The following RNF31 variants were observed in gnomAD, a reference collection of about 807,000 sequenced individuals.
RNF31 encodes E3 ubiquitin-protein ligase RNF31.
A neutral mutation model predicts 133.6 loss-of-function variants in RNF31; 38 were observed. That is an observed-to-expected ratio of 0.28 (90% CI 0.22 to 0.37). The LOEUF (loss-of-function observed/expected upper bound fraction) is 0.37. Ranked by LOEUF, RNF31 falls within the 10% of genes least tolerant of loss-of-function variation. The probability of loss-of-function intolerance (pLI) is 1.00; values close to 1 mark genes in which losing one functional copy is unlikely to be tolerated. For synonymous variants in RNF31, 582 were observed against 552.3 expected, an observed-to-expected ratio of 1.05 and a Z score of -0.75; for missense variants, 1,118 against 1,394.1, an observed-to-expected ratio of 0.80 and a Z score of 3.15.
chr14:24,149,221 C>T (rs920085194), intron 5 of RNF31, 185 bp from the exon 6 acceptor site: 3 of 649,440 alleles, frequency 4.6e-6, no homozygotes, highest in Admixed American at 6.0e-5. Flanking sequence ...CCTCAGCCTC[C>T]CAAAGTGCTA....
Position 24,157,671 on chromosome 14 carries a change from G to A in RNF31, c.2727+33G>A, listed in dbSNP as rs754044916. On this transcript the variant is annotated intron_variant, in intron 16 of 20. Coordinates refer to ENST00000324103, the MANE Select transcript of RNF31 (RefSeq NM_017999.5). ...CAGAGAGTTGGGGAAGGGGTGGAAGGGTGGGGGGTGCCATTGGCTTTGAGA... is the reference window on the plus strand; with the variant it reads ...CAGAGAGTTGGGGAAGGGGTGGAAGAGTGGGGGGTGCCATTGGCTTTGAGA... The A allele has an allele frequency of 4.4e-6, 7 of 1,581,474 alleles. No homozygotes were observed. The South Asian group carries it at 7.7e-5, about 17-fold the overall frequency.
Position 24,158,092 on chromosome 14 carries a change from G to T in RNF31, c.2842-50G>T, listed in dbSNP as rs746525135. The T allele has an allele frequency of 4.3e-6, 7 of 1,612,256 alleles. No homozygotes were observed. The South Asian group carries it at 6.6e-5, about 15-fold the overall frequency. ...AGGCTCCGTGCTAGGAATTGCAACA[G>T]GGACTTGGCATCAAGGGGAATGTAA... On this transcript the variant is annotated intron_variant, in intron 17 of 20. Coordinates refer to ENST00000324103, the MANE Select transcript of RNF31 (RefSeq NM_017999.5).
intron 18 of RNF31, 56 bp from the exon 19 acceptor site, chr14:24,159,807 TG>T: frequency 7.1e-7 from 1 of 1,405,478 alleles, no homozygotes; most frequent in Non-Finnish European, 1.0e-6. Context: ...ATCCCAGTTC[TG>T]GAGCTTTGTG....
chr14:24,156,693 C>T (rs2038345018), intron 14 of RNF31, among the ~76,000 whole-genome samples: 1 of 151,984 alleles, frequency 6.6e-6, no homozygotes, highest in South Asian at 2.1e-4. Context: ...GCAGGAGAAT[C>T]GCTTGAACCC....
Position 24,155,422 on chromosome 14 carries a change from G to A in RNF31, c.2313G>A (p.Glu771=), listed in dbSNP as rs1274889533. 1.2e-6 allele frequency: 2 copies of A among 1,614,040 alleles called. No homozygotes were observed. The highest frequency in any genetic ancestry group is 1.3e-5 in the African/African-American group (1 of 74,896). Reference sequence around the variant, plus strand: ...CTGCATCCTGTCCCCAGCTTCGCGAGAGCCTAGAGCCAGATGCCTATGCGT... The same window carrying A: ...CTGCATCCTGTCCCCAGCTTCGCGAAAGCCTAGAGCCAGATGCCTATGCGT... ...YFSTLDIQLR[E]SLEPDAYALF... The change falls in exon 13 of 21, where the codon GAG becomes GAA. Residue 771 remains glutamate (E), a synonymous_variant. Transcript: ENST00000324103. The surrounding 1 kb of genome is among the most constrained non-coding windows in gnomAD (Gnocchi z 4.9).
chr14:24,147,530 C>G lies in RNF31; in HGVS notation c.-169C>G, dbSNP rs918769437. On this transcript the variant is annotated 5_prime_UTR_variant, in exon 1 of 21. Coordinates refer to ENST00000324103, the MANE Select transcript of RNF31 (RefSeq NM_017999.5). ...TTCCTGTTCTCGGCTAACCCTGGCG[C>G]TGGGCCGGGGGCTGGAGAGTGACCG... 8 of 517,202 alleles carry G rather than the reference C, an allele frequency of 1.5e-5. No individual in the cohort carries two copies. The highest frequency in any genetic ancestry group is 4.4e-5 in the South Asian group (1 of 22,694). 32.0% of individuals were successfully genotyped at this position (517,202 alleles called of 1,614,324 possible).
chr14:24,154,280 C>T (rs2038310489), intron 11 of RNF31, among the ~76,000 whole-genome samples: 3 of 152,310 alleles, frequency 2.0e-5, no homozygotes, highest in Admixed American at 1.3e-4. Flanking sequence ...GCCTCAGCCT[C>T]CCGAGTAGCT....
At position 24,155,484 on chromosome 14, in the gene RNF31, G is replaced by A. The variant is rs375944756; in HGVS notation, c.2375G>A (p.Arg792Gln). The change falls in exon 13 of 21, where the codon CGG becomes CAG. Residue 792 changes from arginine (R) to glutamine (Q), a missense_variant. By Grantham distance (43) the Arg-to-Gln change is conservative (BLOSUM62 1). Transcript: ENST00000324103. The surrounding 1 kb of genome is among the most constrained non-coding windows in gnomAD (Gnocchi z 4.9). ...HKKLTEGVLMRDPKFLWCAQC... is the reference protein window; with the variant it reads ...HKKLTEGVLMQDPKFLWCAQC... ...AAGCTGACCGAGGGTGTGCTGATGC[G>A]GGACCCCAAGTTCTTGTGGTGTGCC... The A allele has an allele frequency of 4.3e-6, 7 of 1,614,102 alleles. No individual in the cohort carries two copies. The highest frequency in any genetic ancestry group is 2.2e-5 in the South Asian group (2 of 91,088).
chr14:24,150,477 G>A, intron 7 of RNF31, 29 bp downstream of exon 7: 1 of 1,590,820 alleles, frequency 6.3e-7, no homozygotes, highest in Non-Finnish European at 8.6e-7. Context: ...TCTTTATCGT[G>A]TGTTACCTCA....
In RNF31 at chr14:24,150,422, G is replaced by C. The variant is rs1459773925; in HGVS notation, c.1171G>C (p.Ala391Pro). 1 of 1,611,544 alleles carries C rather than the reference G, an allele frequency of 6.2e-7. No individual in the cohort carries two copies. The highest frequency in any genetic ancestry group is 8.5e-7 in the Non-Finnish European group (1 of 1,178,904). ...CAGCTTGGTGGTGGATTCCCGAGAT[G>C]CTGGCATTTGCCTGCAACCCCTTCA... ...PPSLVVDSRD[A>P]GICLQPLQQG... Residue 391 changes from alanine (A) to proline (P), a missense_variant, in exon 7 of 21, where the codon GCT becomes CCT. Coordinates refer to ENST00000324103, the MANE Select transcript of RNF31 (RefSeq NM_017999.5).
At position 24,150,674 on chromosome 14, in the gene RNF31, C is replaced by T. The variant is rs2139079806; in HGVS notation, c.1274C>T (p.Pro425Leu). The change falls in exon 8 of 21, where the codon CCT becomes CTT. Residue 425 changes from proline (P) to leucine (L), a missense_variant. By Grantham distance (98) the Pro-to-Leu change is moderately conservative. Coordinates refer to ENST00000324103, the MANE Select transcript of RNF31 (RefSeq NM_017999.5). ...CACTGTACCTTCTGCAACTCGAGCC[C>T]TGGCTGGGTGTGTGTTATGTGCAAC... ...CIHCTFCNSS[P>L]GWVCVMCNRT... 6.2e-7 allele frequency: 1 copy of T among 1,614,238 alleles called. No individual in the cohort carries two copies. The highest frequency in any genetic ancestry group is 2.2e-5 in the East Asian group (1 of 44,888).
intron 14 of RNF31, among the ~76,000 whole-genome samples, chr14:24,156,075 G>A (rs1456687516): frequency 1.3e-5 from 2 of 152,174 alleles, no homozygotes; most frequent in African/African-American, 2.4e-5. Context: ...TTAAAAAGAA[G>A]CCAGCCATGC....
In RNF31 at chr14:24,151,243, T is replaced by C. The variant is rs2139080838; in HGVS notation, c.1601T>C (p.Met534Thr). 1 of 1,614,136 alleles carries C rather than the reference T, an allele frequency of 6.2e-7. No individual in the cohort carries two copies. The highest frequency in any genetic ancestry group is 1.1e-5 in the South Asian group (1 of 91,088). ...LRSELPYVLE[M>T]VAELAGQQDP... ...TCAGAACTGCCCTACGTCCTGGAGATGGTGGCTGAGCTGGCTGGACAGCAG... is the reference window on the plus strand; with the variant it reads ...TCAGAACTGCCCTACGTCCTGGAGACGGTGGCTGAGCTGGCTGGACAGCAG... Residue 534 changes from methionine (M) to threonine (T), a missense_variant, in exon 9 of 21, where the codon ATG becomes ACG. By Grantham distance (81) the Met-to-Thr change is moderately conservative (BLOSUM62 -1). This residue lies in a region of RNF31 where 747 missense variants were observed against 827.9 expected (regional missense o/e 0.90). Transcript: ENST00000324103. The surrounding 1 kb of genome is among the most constrained non-coding windows in gnomAD (Gnocchi z 5.3).
chr14:24,159,584 CAA>C (rs59295225), intron 18 of RNF31, among the ~76,000 whole-genome samples: 211 of 82,192 alleles, frequency 2.6e-3, no homozygotes, highest in South Asian at 4.1e-3. Context: ...AAATAACAAC[CAA>C]AAAAAAAAAA....
chr14:24,151,572 C>T lies in RNF31; in HGVS notation c.1825C>T (p.Leu609=). 6.2e-7 allele frequency: 1 copy of T among 1,614,190 alleles called. No homozygotes were observed. The highest frequency in any genetic ancestry group is 8.5e-7 in the Non-Finnish European group (1 of 1,180,026). The change falls in exon 10 of 21, where the codon CTG becomes TTG. Residue 609 remains leucine (L), a synonymous_variant. Coordinates refer to ENST00000324103, the MANE Select transcript of RNF31 (RefSeq NM_017999.5). This position sits in a 1 kb window ranked among gnomAD's most constrained non-coding sequence, Gnocchi z 5.3. ...GCACGGAGGTGATGTGTCACGGGCCCTGACTGAGCTACAGCGCCAACGCCT... is the reference window on the plus strand; with the variant it reads ...GCACGGAGGTGATGTGTCACGGGCCTTGACTGAGCTACAGCGCCAACGCCT... ...FQHGGDVSRA[L]TELQRQRLEP...
Position 24,151,462 on chromosome 14 carries a change from C to A in RNF31, c.1738-23C>A. ...CTTGCTTGCTTTCCCACTTCATTCCCCCTTGCCACTCCCATCTTGCAGGTG... is the reference window on the plus strand; with the variant it reads ...CTTGCTTGCTTTCCCACTTCATTCCACCTTGCCACTCCCATCTTGCAGGTG... On this transcript the variant is annotated intron_variant, in intron 9 of 20. Coordinates refer to ENST00000324103, the MANE Select transcript of RNF31 (RefSeq NM_017999.5). This position sits in a 1 kb window ranked among gnomAD's most constrained non-coding sequence, Gnocchi z 5.3. 1 of 1,613,770 alleles carries A rather than the reference C, an allele frequency of 6.2e-7. No individual in the cohort carries two copies.
intron 11 of RNF31, among the ~76,000 whole-genome samples, chr14:24,153,216 G>A (rs2038294576): frequency 6.6e-6 from 1 of 152,082 alleles, no homozygotes; most frequent in African/African-American, 2.4e-5. Flanking sequence ...AGGCTGAGGT[G>A]GGAGAATACC....
chr14:24,151,267 A>G lies in RNF31; in HGVS notation c.1625A>G (p.Gln542Arg), dbSNP rs1444476727. The stretch of plus-strand genomic sequence containing the variant: ...ATGGTGGCTGAGCTGGCTGGACAGC[A>G]GGACCCTGGGCTGGGTGCCTTTTCC... ...LEMVAELAGQ[Q>R]DPGLGAFSCQ... The change falls in exon 9 of 21, where the codon CAG becomes CGG. Residue 542 changes from glutamine (Q) to arginine (R), a missense_variant. Transcript: ENST00000324103. This position sits in a 1 kb window ranked among gnomAD's most constrained non-coding sequence, Gnocchi z 5.3. 4.3e-6 allele frequency: 7 copies of G among 1,614,204 alleles called. No individual in the cohort carries two copies. In the South Asian group the frequency reaches 7.7e-5, roughly 18 times the overall value.
chr14:24,150,631 C>G lies in RNF31; in HGVS notation c.1231C>G (p.Gln411Glu). The G allele has an allele frequency of 1.2e-6, 2 of 1,613,608 alleles. No homozygotes were observed. Among genetic ancestry groups the G allele is most frequent in the Admixed American group, 1.7e-5 (1 of 60,004 alleles). Residue 411 changes from glutamine to glutamate, a missense_variant, in exon 8 of 21, where the codon CAA (glutamine) becomes GAA (glutamate). This residue lies in a region of RNF31 where 747 missense variants were observed against 827.9 expected (regional missense o/e 0.90). Transcript: ENST00000324103. ...TGCTTTGCTGGCCTCTGCCCAGAGT[C>G]AAGTCTGGTACTGTATTCACTGTAC... ...GDALLASAQS[Q>E]VWYCIHCTFC...
Sources: allele counts gnomAD v4.1 joint callset (sites outside exome capture counted in the v4.1 genomes callset), GRCh38; gene constraint gnomAD v4.1.1; regional missense constraint gnomAD v4.1.1; non-coding constraint Gnocchi (gnomAD v3.1); transcripts MANE v1.5; gene names NCBI Gene and HGNC (gene_info 2026-07-23, HGNC 2026-07-21).